Variants in ZFHX3 observed in about 807,000 individuals in gnomAD.
ZFHX3 encodes zinc finger homeobox 3, also known as zinc finger homeobox protein 3.
Under a neutral mutation model 279.1 loss-of-function variants are expected in ZFHX3, and 42 were observed. The observed-to-expected ratio is 0.15, with a 90% CI of 0.12 to 0.19. The LOEUF (loss-of-function observed/expected upper bound fraction) is 0.19, where lower values mean the gene tolerates loss of function less well. ZFHX3 is among the 10% of genes least tolerant of loss of function. The probability of loss-of-function intolerance (pLI) is 1.00; values close to 1 mark genes in which losing one functional copy is unlikely to be tolerated. For missense variants in ZFHX3, 4,981 were observed against 4,754.0 expected (o/e 1.05, Z -1.40); for synonymous variants, 2,293 against 1,957.8 (o/e 1.17, Z -4.52).
intron 1 of ZFHX3, among the ~76,000 whole-genome samples, chr16:72,977,853 G>C (rs1208342532): frequency 6.6e-6 from 1 of 151,744 alleles, no homozygotes; most frequent in Non-Finnish European, 1.5e-5. Flanking sequence ...AAAGGACCAG[G>C]GATTTTTTTT....
intron 2 of ZFHX3, among the ~76,000 whole-genome samples, chr16:73,566,388 G>A (rs922021059): frequency 6.6e-6 from 1 of 152,210 alleles, no homozygotes; most frequent in Non-Finnish European, 1.5e-5. Context: ...TGTATTGTCT[G>A]ATAGTTCTGG....
chr16:73,365,881 A>C (rs2059264), intron 3 of ZFHX3, among the ~76,000 whole-genome samples: 1 of 152,112 alleles, frequency 6.6e-6, no homozygotes, highest in African/African-American at 2.4e-5. Flanking sequence ...GCACATACAA[A>C]TTCACAGAAA....
intron 5 of ZFHX3, among the ~76,000 whole-genome samples, chr16:72,818,471 C>T (rs191835584): frequency 6.6e-6 from 1 of 152,200 alleles, no homozygotes; most frequent in Admixed American, 6.5e-5. Context: ...CTTCCTCCCC[C>T]CAATAGAGAG....
intron 1 of ZFHX3, among the ~76,000 whole-genome samples, chr16:73,855,602 T>G (rs1224727054): frequency 6.6e-6 from 1 of 152,246 alleles, no homozygotes; most frequent in Non-Finnish European, 1.5e-5. Context: ...ATGTACCTTA[T>G]AATTAATGCA....
chr16:73,609,652 G>A (rs1472481988), intron 2 of ZFHX3: 1 of 152,020 alleles, frequency 6.6e-6, no homozygotes, highest in East Asian at 1.9e-4. Context: ...TGGATGGAAG[G>A]AAGGAAAGGA....
intron 4 of ZFHX3, among the ~76,000 whole-genome samples, chr16:72,871,338 G>A (rs2038155498): frequency 1.3e-5 from 2 of 148,526 alleles, no homozygotes; most frequent in Admixed American, 1.3e-4. Context: ...ACCATGCCCG[G>A]CTAATTTTTT....
At chr16:73,880,199 C>T (rs1334721647) in intron 1 of ZFHX3, among the ~76,000 whole-genome samples, 3 of 151,994 alleles carry the variant, frequency 2.0e-5, no homozygotes, top group Admixed American at 6.6e-5. Context: ...GTCAGATTTG[C>T]CCCAAAAAGC....
chr16:73,462,903 G>A (rs1402784504), intron 2 of ZFHX3, among the ~76,000 whole-genome samples: 1 of 152,138 alleles, frequency 6.6e-6, no homozygotes, highest in African/African-American at 2.4e-5. Flanking sequence ...TCTGGGTTTG[G>A]CATCAATATA....
At chr16:73,179,045 A>G (rs976826408) in intron 5 of ZFHX3, among the ~76,000 whole-genome samples, 1 of 152,214 alleles carries the variant, frequency 6.6e-6, no homozygotes, top group Admixed American at 6.5e-5. Flanking sequence ...AGATTTTATT[A>G]GTGTTTTTGG....
chr16:73,666,727 G>T lies in ZFHX3; in HGVS notation c.-1547+13453C>A, dbSNP rs76375336. 2.8e-4 allele frequency among the ~76,000 whole-genome samples: 43 copies of T among 151,922 alleles called. No homozygotes were observed. The South Asian group carries it at 8.1e-3, about 29-fold the overall frequency. Reference sequence around the variant, plus strand: ...ACCACTACAACCGAGATACTGAAAAGTTCCATCACTCCTCCCAAATCCCCT... The same window carrying T: ...ACCACTACAACCGAGATACTGAAAATTTCCATCACTCCTCCCAAATCCCCT... On this transcript the variant is annotated intron_variant, in intron 2 of 17. Transcript: ENST00000641206.
At chr16:73,114,768 G>GT (rs1567392228) in intron 7 of ZFHX3, among the ~76,000 whole-genome samples, 1 of 152,146 alleles carries the variant, frequency 6.6e-6, no homozygotes, top group Non-Finnish European at 1.5e-5. Context: ...TGAATGGCCA[G>GT]CCTGTCTTTG....
intron 3 of ZFHX3, among the ~76,000 whole-genome samples, chr16:73,366,471 C>T (rs2016530296): frequency 6.6e-6 from 1 of 151,840 alleles, no homozygotes; most frequent in Non-Finnish European, 1.5e-5. Context: ...GTGGTTCACA[C>T]TGATAGTCCC....
At chr16:73,716,226 G>GA (rs34934915) in intron 1 of ZFHX3, among the ~76,000 whole-genome samples, 97 of 150,984 alleles carry the variant, frequency 6.4e-4, no homozygotes, top group Middle Eastern at 3.4e-3. Context: ...TAAACTTACA[G>GA]AAAAAAAAAA....
At chr16:73,794,932 C>T (rs1959948221) in intron 1 of ZFHX3, among the ~76,000 whole-genome samples, 1 of 152,122 alleles carries the variant, frequency 6.6e-6, no homozygotes, top group African/African-American at 2.4e-5. Context: ...CTGTTCATTA[C>T]CATAAAAAAA....
chr16:73,409,303 G>A (rs1294467414), intron 3 of ZFHX3, among the ~76,000 whole-genome samples: 3 of 152,164 alleles, frequency 2.0e-5, no homozygotes, highest in African/African-American at 7.2e-5. Flanking sequence ...TCAACCCTGG[G>A]TGTGGCCAAA....
chr16:73,114,975 T>C (rs1010126608), intron 7 of ZFHX3, among the ~76,000 whole-genome samples: 1 of 152,100 alleles, frequency 6.6e-6, no homozygotes, highest in Non-Finnish European at 1.5e-5. Context: ...ATTTCTACCC[T>C]GGGGCCCCAG....
At chr16:73,525,723 C>T (rs896874516) in intron 2 of ZFHX3, among the ~76,000 whole-genome samples, 1 of 152,074 alleles carries the variant, frequency 6.6e-6, no homozygotes, top group Non-Finnish European at 1.5e-5. Context: ...CCCCGACCTC[C>T]TAGAGAGACC....
At chr16:73,306,493 T>C (rs1012504151) in intron 4 of ZFHX3, among the ~76,000 whole-genome samples, 5 of 123,188 alleles carry the variant, frequency 4.1e-5, no homozygotes, top group East Asian at 2.0e-4. Flanking sequence ...CTGATTTTTG[T>C]ATTTTTTTTG....
At chr16:73,372,960 C>A (rs532457909) in intron 3 of ZFHX3, among the ~76,000 whole-genome samples, 47 of 152,274 alleles carry the variant, frequency 3.1e-4, no homozygotes, top group Admixed American at 2.7e-3. Flanking sequence ...CCCAATCCCA[C>A]CCCTAATGAC....
Sources: allele counts gnomAD v4.1 joint callset (sites outside exome capture counted in the v4.1 genomes callset), GRCh38; gene constraint gnomAD v4.1.1; transcripts MANE v1.5; gene names NCBI Gene and HGNC (gene_info 2026-07-23, HGNC 2026-07-21).